C8orf34: variants seen among roughly 807,000 people sequenced by gnomAD.
The protein encoded by C8orf34 is uncharacterized protein C8orf34.
C8orf34 carries 65 observed loss-of-function variants against 68.3 expected under a neutral mutation model. The ratio of observed to expected loss-of-function variants is 0.95; its 90% CI spans 0.78 to 1.17. C8orf34 has a LOEUF of 1.17. Ranked by LOEUF, C8orf34 falls within the 50% of genes most tolerant of loss-of-function variation. The pLI is 0.00. For missense variants in C8orf34, 664 were observed against 655.4 expected (o/e 1.01, Z -0.14); for synonymous variants, 244 against 241.2 (o/e 1.01, Z -0.11).
At chr8:68,774,331 G>GTATATATATATATATATATATATATA (rs550713780) in intron 10 of C8orf34, among the ~76,000 whole-genome samples, 2 of 108,932 alleles carry the variant, frequency 1.8e-5, no homozygotes, top group African/African-American at 3.7e-5. Flanking sequence ...GGGTGTGTGT[G>GTATATATATATATATATATATATATA]TATATATATA....
intron 7 of C8orf34, among the ~76,000 whole-genome samples, chr8:68,556,306 TTTTTTTGCTTTATATACTTCC>T (rs1816251440): frequency 6.6e-6 from 1 of 151,218 alleles, no homozygotes; most frequent in Admixed American, 6.6e-5. Flanking sequence ...TTTTTTTTTT[TTTTTTTGCTTTATATACTTCC>T]TTATTGTTTG....
intron 10 of C8orf34, among the ~76,000 whole-genome samples, chr8:68,741,121 G>T (rs1822278563): frequency 6.6e-6 from 1 of 152,028 alleles, no homozygotes; most frequent in African/African-American, 2.4e-5. Context: ...AGTAAAAATG[G>T]GTACTGGGCT....
intron 7 of C8orf34, among the ~76,000 whole-genome samples, chr8:68,544,824 A>G (rs925954023): frequency 2.0e-5 from 3 of 152,282 alleles, no homozygotes; most frequent in Middle Eastern, 6.8e-3. Flanking sequence ...AAATTTGAAG[A>G]TACGTCAACA....
At chr8:68,646,453 CT>C (rs928858487) in intron 8 of C8orf34, among the ~76,000 whole-genome samples, 2 of 151,920 alleles carry the variant, frequency 1.3e-5, no homozygotes, top group African/African-American at 4.8e-5. Context: ...ACCAATCATA[CT>C]TTTTTTGTGG....
chr8:68,374,408 G>A (rs1032231092), intron 1 of C8orf34, among the ~76,000 whole-genome samples: 4 of 152,016 alleles, frequency 2.6e-5, no homozygotes, highest in Admixed American at 1.3e-4. Context: ...GCTGACTAGG[G>A]CACAGTAGGT....
intron 7 of C8orf34, among the ~76,000 whole-genome samples, chr8:68,594,040 A>T (rs1817472440): frequency 6.6e-6 from 1 of 152,094 alleles, no homozygotes; most frequent in African/African-American, 2.4e-5. Context: ...AAGTTTTTTT[A>T]AAAATAATTT....
At chr8:68,736,250 A>C (rs1380485883) in intron 10 of C8orf34, among the ~76,000 whole-genome samples, 1 of 152,164 alleles carries the variant, frequency 6.6e-6, no homozygotes, top group Non-Finnish European at 1.5e-5. Context: ...CAAACTGTCC[A>C]GGTCTGTGGC....
chr8:68,397,810 C>T (rs1808781430), intron 1 of C8orf34, among the ~76,000 whole-genome samples: 1 of 151,982 alleles, frequency 6.6e-6, no homozygotes, highest in African/African-American at 2.4e-5. Context: ...ACTCTGTTGC[C>T]CAGTCTTAAG....
intron 10 of C8orf34, among the ~76,000 whole-genome samples, chr8:68,723,721 G>T (rs1181517572): frequency 6.6e-6 from 1 of 152,004 alleles, no homozygotes; most frequent in Non-Finnish European, 1.5e-5. Context: ...TATACCATTA[G>T]ATTCTTCTTC....
chr8:68,744,560 C>G (rs1192817619), intron 10 of C8orf34, among the ~76,000 whole-genome samples: 2 of 150,102 alleles, frequency 1.3e-5, no homozygotes, highest in African/African-American at 4.9e-5. Flanking sequence ...GAGCTGAAAA[C>G]CAAGGCTCGA....
intron 7 of C8orf34, among the ~76,000 whole-genome samples, chr8:68,597,575 GGTGTGTGTGTGT>G (rs36094218): frequency 6.7e-6 from 1 of 150,170 alleles, no homozygotes; most frequent in South Asian, 2.1e-4. Flanking sequence ...ACATTGTGGT[GGTGTGTGTGTGT>G]GTGTGTGTGT....
At chr8:68,487,555 T>G (rs1813131178) in intron 4 of C8orf34, among the ~76,000 whole-genome samples, 1 of 152,178 alleles carries the variant, frequency 6.6e-6, no homozygotes, top group Non-Finnish European at 1.5e-5. Flanking sequence ...TCCTTAAACT[T>G]TCTCATCTAT....
intron 7 of C8orf34, among the ~76,000 whole-genome samples, chr8:68,602,271 G>A (rs933460698): frequency 2.6e-5 from 4 of 152,112 alleles, no homozygotes; most frequent in African/African-American, 9.7e-5. Flanking sequence ...CCCAGCCCCT[G>A]CTGACACCAT....
intron 1 of C8orf34, among the ~76,000 whole-genome samples, chr8:68,434,594 G>A (rs10104993): frequency 0.4 from 61,026 of 151,996 alleles, 12,415 homozygotes; most frequent in South Asian, 0.47. Context: ...CGTAAATAGT[G>A]CTGTAATTGT....
chr8:68,514,881 A>G (rs999825073), intron 5 of C8orf34, among the ~76,000 whole-genome samples: 6 of 152,156 alleles, frequency 3.9e-5, no homozygotes, highest in African/African-American at 1.4e-4. Flanking sequence ...AAGAAAATAG[A>G]AGTTCATCAA....
rs545258846 is a variant in C8orf34 at position 68,578,642 on chromosome 8, C to CTATATATATA, written c.1105+45499_1105+45508dup. On this transcript the variant is annotated intron_variant, in intron 7 of 13. Coordinates refer to ENST00000518698, the MANE Select transcript of C8orf34 (RefSeq NM_052958.4). The stretch of plus-strand genomic sequence containing the variant: ...TCTATAGTTCATTGCAGATTAAATA[C>CTATATATATA]TATATATATATATATTTCAATATTG... Among the ~76,000 whole-genome samples the CTATATATATA allele has an allele frequency of 4.0e-4, 59 of 148,802 alleles. 1 individual carries two copies. The highest frequency in any genetic ancestry group is 1.5e-3 in the African/African-American group (59 of 39,698).
chr8:68,367,928 A>G (rs1045024833), intron 1 of C8orf34, among the ~76,000 whole-genome samples: 16 of 149,036 alleles, frequency 1.1e-4, no homozygotes, highest in African/African-American at 3.9e-4. Context: ...AAAAAAAAAA[A>G]AAAAAAAAAG....
intron 7 of C8orf34, among the ~76,000 whole-genome samples, chr8:68,610,631 G>A (rs1268601706): frequency 1.3e-5 from 2 of 152,068 alleles, no homozygotes; most frequent in African/African-American, 2.4e-5. Flanking sequence ...CAGCCACTAA[G>A]CCAGAGCCAT....
intron 7 of C8orf34, among the ~76,000 whole-genome samples, chr8:68,596,931 A>G (rs1586427215): frequency 6.6e-6 from 1 of 152,202 alleles, no homozygotes; most frequent in Admixed American, 6.6e-5. Context: ...CTATTTTAAT[A>G]ATTTAAAGAA....
Sources: allele counts gnomAD v4.1 joint callset (sites outside exome capture counted in the v4.1 genomes callset), GRCh38; gene constraint gnomAD v4.1.1; transcripts MANE v1.5; gene names NCBI Gene and HGNC (gene_info 2026-07-23, HGNC 2026-07-21).